Variants in NPHP1 observed in about 807,000 individuals in gnomAD.
The protein encoded by NPHP1 is nephrocystin-1.
In NPHP1, 70 loss-of-function variants were observed where a neutral mutation model predicts 90.4. The observed-to-expected ratio is 0.77, with a 90% CI of 0.64 to 0.95. The LOEUF (loss-of-function observed/expected upper bound fraction) is 0.95. Among genes scored for constraint, NPHP1 ranks in the 40% least tolerant of loss-of-function variants. The pLI is 0.00. For synonymous variants in NPHP1, 256 were observed against 271.7 expected (o/e 0.94, Z 0.57); for missense variants, 764 against 795.9 (o/e 0.96, Z 0.48).
At chr2:110,204,846 C>T (rs1685827598) in intron 1 of NPHP1, 54 bp downstream of exon 1, 2 of 1,579,564 alleles carry the variant, frequency 1.3e-6, no homozygotes, top group African/African-American at 1.3e-5. Flanking sequence ...GCAGTGCGCG[C>T]AGCTGCGTCC....
At chr2:110,186,456 G>A (rs1684289749) in intron 2 of NPHP1, among the ~76,000 whole-genome samples, 1 of 152,118 alleles carries the variant, frequency 6.6e-6, no homozygotes, top group Admixed American at 6.5e-5. Flanking sequence ...GGTTAAGGAG[G>A]GAGAGGGCCA....
chr2:110,163,564 G>A (rs1320476151), intron 8 of NPHP1: 1 of 172,438 alleles, frequency 5.8e-6, no homozygotes, highest in Non-Finnish European at 1.3e-5. Context: ...GTACTTATAA[G>A]TAATAAATAA....
chr2:110,157,430 A>G (rs1215166098), intron 11 of NPHP1, among the ~76,000 whole-genome samples: 1 of 152,064 alleles, frequency 6.6e-6, no homozygotes, highest in African/African-American at 2.4e-5. Flanking sequence ...TACCGTCATA[A>G]CATAAGTTCA....
chr2:110,185,058 G>A, intron 2 of NPHP1: 1 of 598,672 alleles, frequency 1.7e-6, no homozygotes, highest in Non-Finnish European at 3.3e-6. Flanking sequence ...CCTCAGGAGA[G>A]ACTGTATTCC....
intron 12 of NPHP1, among the ~76,000 whole-genome samples, chr2:110,149,093 G>GT (rs1415385888): frequency 1.3e-5 from 2 of 152,156 alleles, no homozygotes; most frequent in Admixed American, 1.3e-4. Context: ...GGTAATGTAC[G>GT]TAAGAGCCTG....
intron 2 of NPHP1, among the ~76,000 whole-genome samples, chr2:110,193,460 T>C (rs188843131): frequency 0.077 from 11,703 of 152,040 alleles, 677 homozygotes; most frequent in African/African-American, 0.17. Flanking sequence ...GAGGTAACTA[T>C]CCTAAATATA....
At chr2:110,169,292 T>C (rs573933871) in intron 5 of NPHP1, among the ~76,000 whole-genome samples, 4 of 152,292 alleles carry the variant, frequency 2.6e-5, no homozygotes, top group East Asian at 3.9e-4. Context: ...AAAATTCATA[T>C]ATTCACTTAA....
chr2:110,172,360 GT>G (rs1683194213), intron 4 of NPHP1, among the ~76,000 whole-genome samples: 1 of 151,828 alleles, frequency 6.6e-6, no homozygotes, highest in African/African-American at 2.4e-5. Flanking sequence ...ATTGTTCACT[GT>G]TTTCTGCTTT....
At chr2:110,173,147 T>A (rs1469429581) in intron 4 of NPHP1, among the ~76,000 whole-genome samples, 1 of 151,776 alleles carries the variant, frequency 6.6e-6, no homozygotes, top group Non-Finnish European at 1.5e-5. Context: ...TTAGTAGAGA[T>A]GGGGTTTCAC....
At chr2:110,178,939 T>C (rs973853583) in intron 3 of NPHP1, 5 of 168,790 alleles carry the variant, frequency 3.0e-5, no homozygotes, top group African/African-American at 1.2e-4. Context: ...TCCTCACCTG[T>C]GAAACAGAAA....
chr2:110,159,666 C>T (rs1044504635), intron 11 of NPHP1, among the ~76,000 whole-genome samples: 5 of 151,876 alleles, frequency 3.3e-5, no homozygotes, highest in Non-Finnish European at 7.4e-5. Context: ...TTTTCTTTTA[C>T]TTTTTAAAAA....
At chr2:110,131,549 C>A in intron 17 of NPHP1, 130 bp downstream of exon 17, 1 of 690,152 alleles carries the variant, frequency 1.4e-6, no homozygotes. Context: ...AATGTATTAA[C>A]ATCAATGCTG....
intron 2 of NPHP1, among the ~76,000 whole-genome samples, chr2:110,192,244 A>G (rs1194849701): frequency 1.3e-5 from 2 of 152,158 alleles, no homozygotes. Flanking sequence ...GTGGAAAACA[A>G]GTTAAAAACC....
chr2:110,123,616 TA>T lies in NPHP1; in HGVS notation c.*174del. ...CTTATAAAAATTTATTTTATGGTTT[TA>T]AAAAATATTTAAATTATTGTATAAA... On this transcript the variant is annotated 3_prime_UTR_variant, in exon 20 of 20. Coordinates refer to ENST00000445609, the MANE Select transcript of NPHP1 (RefSeq NM_001128178.3). The T allele has an allele frequency of 3.2e-6, 2 of 619,118 alleles. No homozygotes were observed. The highest frequency in any genetic ancestry group is 2.4e-5 in the South Asian group (1 of 42,014). The allele number at this position is 619,118 out of a possible 1,614,324, so 38.4% of individuals were successfully genotyped here.
chr2:110,203,798 T>A (rs963078046), intron 1 of NPHP1, among the ~76,000 whole-genome samples: 10 of 151,880 alleles, frequency 6.6e-5, no homozygotes, highest in African/African-American at 1.4e-4. Context: ...AGTGTATTTT[T>A]AAAAAGTTTT....
At chr2:110,184,557 G>A (rs1684147300) in intron 2 of NPHP1, 12 of 1,318,390 alleles carry the variant, frequency 9.1e-6, no homozygotes, top group African/African-American at 1.4e-5. Context: ...CACCCATGCT[G>A]TGCCCATCTA....
At chr2:110,150,898 G>A (rs928750205) in intron 11 of NPHP1, among the ~76,000 whole-genome samples, 1 of 150,332 alleles carries the variant, frequency 6.7e-6, no homozygotes, top group Non-Finnish European at 1.5e-5. Context: ...GAGCACAGTG[G>A]CTCACGACTG....
intron 11 of NPHP1, among the ~76,000 whole-genome samples, chr2:110,150,704 C>G (rs938714541): frequency 3.3e-5 from 5 of 151,892 alleles, no homozygotes; most frequent in Non-Finnish European, 7.4e-5. Flanking sequence ...TCCCTGTCAC[C>G]ACGCCCAGCT....
intron 8 of NPHP1, chr2:110,163,398 A>G (rs914849196): frequency 2.1e-6 from 1 of 466,602 alleles, no homozygotes; most frequent in Admixed American, 3.4e-5. Flanking sequence ...TACCCTTATC[A>G]AAATGTCCCT....
Sources: gnomAD v4.1 joint callset for allele counts (sites outside exome capture counted in the v4.1 genomes callset) on GRCh38, gnomAD v4.1.1 for gene constraint, MANE v1.5 for transcripts, NCBI Gene and HGNC (gene_info 2026-07-23, HGNC 2026-07-21) for gene names.